GRHL1: variants seen among roughly 807,000 people sequenced by gnomAD.
The protein encoded by GRHL1 is grainyhead-like protein 1 homolog.
Under a neutral mutation model 75.7 loss-of-function variants are expected in GRHL1, and 38 were observed. That is an observed-to-expected ratio of 0.50 (90% CI 0.39 to 0.66). The LOEUF (loss-of-function observed/expected upper bound fraction) is 0.66, where lower values mean the gene tolerates loss of function less well. Among genes scored for constraint, GRHL1 ranks in the 30% least tolerant of loss-of-function variants. The pLI is 0.00. For missense variants in GRHL1, 589 were observed against 767.5 expected (o/e 0.77, Z 2.75); for synonymous variants, 266 against 279.4 (o/e 0.95, Z 0.48).
intron 8 of GRHL1, among the ~76,000 whole-genome samples, chr2:9,976,504 G>A (rs1667953520): frequency 6.6e-6 from 1 of 152,102 alleles, no homozygotes; most frequent in Admixed American, 6.5e-5. Context: ...GGTTCGTTGA[G>A]GCTGTGTAAT....
At chr2:9,972,507 GCCCACAAGACCCTCAATC>G (rs1367046347) in intron 8 of GRHL1, among the ~76,000 whole-genome samples, 1 of 152,080 alleles carries the variant, frequency 6.6e-6, no homozygotes, top group East Asian at 1.9e-4. Flanking sequence ...GAGCTCTTCT[GCCCACAAGACCCTCAATC>G]CTTTAGTAAA....
intron 8 of GRHL1, among the ~76,000 whole-genome samples, chr2:9,973,393 GTGTT>G (rs925093833): frequency 1.2e-4 from 18 of 152,296 alleles, no homozygotes; most frequent in East Asian, 9.7e-4. Flanking sequence ...AAGGTCATCA[GTGTT>G]TGTTTGTTTA....
intron 11 of GRHL1, 89 bp from the exon 12 acceptor site, chr2:9,993,118 T>A: frequency 1.0e-6 from 1 of 980,602 alleles, no homozygotes; most frequent in Non-Finnish European, 1.6e-6. Flanking sequence ...TTGGTGAAAT[T>A]CAAAATTATT....
chr2:9,985,495 A>T (rs1017477614), intron 8 of GRHL1, among the ~76,000 whole-genome samples: 5 of 152,236 alleles, frequency 3.3e-5, no homozygotes, highest in African/African-American at 1.2e-4. Flanking sequence ...AAATAATTGT[A>T]AATTACAAAT....
At position 9,954,897 on chromosome 2, in the gene GRHL1, T is replaced by C; in HGVS notation, c.21-18T>C. On this transcript the variant is annotated intron_variant, in intron 1 of 15. Coordinates refer to ENST00000324907, the MANE Select transcript of GRHL1 (RefSeq NM_198182.3). ...TAGAAAAGTGTGTGTTTTTGTTTTT[T>C]TTTTAATTTCTCTGAAGCAAACGGC... The C allele has an allele frequency of 6.2e-7, 1 of 1,607,598 alleles. No individual in the cohort carries two copies. The highest frequency in any genetic ancestry group is 8.5e-7 in the Non-Finnish European group (1 of 1,174,220).
intron 8 of GRHL1, among the ~76,000 whole-genome samples, chr2:9,980,235 C>T (rs1010087295): frequency 1.3e-5 from 2 of 151,430 alleles, no homozygotes; most frequent in Non-Finnish European, 2.9e-5. Flanking sequence ...CAGGTGTGAA[C>T]AGCGCTTATG....
At position 9,958,827 on chromosome 2, in the gene GRHL1, G is replaced by A. The variant is rs1434209427; in HGVS notation, c.249G>A (p.Val83=). Residue 83 remains valine, a synonymous_variant, in exon 3 of 16, where the codon GTG becomes GTA. Transcript: ENST00000324907. ...GGTCATCAACAGCAAAGCCAGAGGT[G>A]GAGCACCCTGAGCCAGATCACAGCA... The part of the protein sequence containing the change: ...ERRSSTAKPE[V]EHPEPDHSKR... The A allele has an allele frequency of 1.2e-6, 2 of 1,613,640 alleles. No homozygotes were observed. The highest frequency in any genetic ancestry group is 1.7e-5 in the Admixed American group (1 of 60,006).
intron 8 of GRHL1, among the ~76,000 whole-genome samples, chr2:9,984,090 G>C (rs953573253): frequency 6.6e-6 from 1 of 151,984 alleles, no homozygotes; most frequent in African/African-American, 2.4e-5. Flanking sequence ...GGAGGCGGAG[G>C]TTGCAGGGTT....
intron 8 of GRHL1, among the ~76,000 whole-genome samples, chr2:9,979,794 T>G (rs1426861276): frequency 6.6e-6 from 1 of 152,270 alleles, no homozygotes; most frequent in Non-Finnish European, 1.5e-5. Flanking sequence ...CTGATATGTA[T>G]TAAACATTTG....
chr2:9,952,357 A>C (rs1666826544), intron 1 of GRHL1, among the ~76,000 whole-genome samples: 1 of 152,226 alleles, frequency 6.6e-6, no homozygotes, highest in Non-Finnish European at 1.5e-5. Context: ...ACAGAAATGT[A>C]GGGAAAGGTT....
rs1668103791 is a variant in GRHL1 at position 9,979,403 on chromosome 2, T to A, written c.1111-6721T>A. 2.6e-5 allele frequency among the ~76,000 whole-genome samples: 4 copies of A among 151,882 alleles called. No individual in the cohort carries two copies. In the South Asian group the frequency reaches 8.3e-4, roughly 32 times the overall value. On this transcript the variant is annotated intron_variant, in intron 8 of 15. Coordinates refer to ENST00000324907, the MANE Select transcript of GRHL1 (RefSeq NM_198182.3). ...GTGCACACCACCATGCCCAGCTAAT[T>A]TATTTTATTTTCTGTTTTAGAGACA...
At chr2:9,962,644 AC>A in intron 5 of GRHL1, 113 bp downstream of exon 5, 1 of 695,752 alleles carries the variant, frequency 1.4e-6, no homozygotes, top group Non-Finnish European at 2.6e-6. Flanking sequence ...TTATCTTACT[AC>A]TTTTACTGTG....
At chr2:9,963,417 A>G (rs1304215791) in intron 5 of GRHL1, among the ~76,000 whole-genome samples, 1 of 152,238 alleles carries the variant, frequency 6.6e-6, no homozygotes, top group Non-Finnish European at 1.5e-5. Context: ...TTAGGGGCAT[A>G]TATGAGTGGT....
intron 2 of GRHL1, among the ~76,000 whole-genome samples, chr2:9,956,339 C>T (rs913476856): frequency 1.4e-4 from 21 of 152,034 alleles, no homozygotes; most frequent in Admixed American, 5.2e-4. Flanking sequence ...GAGGCCCTGT[C>T]TCTACCAAAA....
chr2:9,990,918 T>C lies in GRHL1; in HGVS notation c.1321+171T>C, dbSNP rs971679687. 9.4e-6 allele frequency: 5 copies of C among 533,286 alleles called. No homozygotes were observed. The highest frequency in any genetic ancestry group is 1.7e-5 in the Non-Finnish European group (5 of 295,880). The allele number at this position is 533,286 out of a possible 1,614,324, so 33.0% of individuals were successfully genotyped here. On this transcript the variant is annotated intron_variant, in intron 10 of 15. Transcript: ENST00000324907. This position sits in a 1 kb window ranked among gnomAD's most constrained non-coding sequence, Gnocchi z 4.2. ...GCCTCTTCCTCAGATCAGCAGCAGATGCCAGCTCAGCGGGAGGGGTTTTCC... is the reference window on the plus strand; with the variant it reads ...GCCTCTTCCTCAGATCAGCAGCAGACGCCAGCTCAGCGGGAGGGGTTTTCC...
chr2:9,965,531 C>T (rs1667458040), intron 8 of GRHL1, 150 bp downstream of exon 8: 1 of 595,882 alleles, frequency 1.7e-6, no homozygotes, highest in African/African-American at 1.9e-5. Flanking sequence ...TTTATTCTCC[C>T]CTCCTCCAAA....
At chr2:9,957,817 A>T (rs1667100142) in intron 2 of GRHL1, among the ~76,000 whole-genome samples, 1 of 152,212 alleles carries the variant, frequency 6.6e-6, no homozygotes, top group Admixed American at 6.5e-5. Context: ...ATGGGGTTAA[A>T]TCTCAGTTGA....
At chr2:9,967,472 TGGA>T (rs993231991) in intron 8 of GRHL1, among the ~76,000 whole-genome samples, 1 of 152,240 alleles carries the variant, frequency 6.6e-6, no homozygotes, top group Non-Finnish European at 1.5e-5. Flanking sequence ...GAAATATTGT[TGGA>T]GGAGTGGCTT....
chr2:9,976,600 A>C (rs139402182), intron 8 of GRHL1, among the ~76,000 whole-genome samples: 1 of 152,296 alleles, frequency 6.6e-6, no homozygotes, highest in Non-Finnish European at 1.5e-5. Flanking sequence ...TTTTAGTCAG[A>C]AGCGTATCCT....
Sources: allele counts gnomAD v4.1 joint callset (sites outside exome capture counted in the v4.1 genomes callset), GRCh38; gene constraint gnomAD v4.1.1; non-coding constraint Gnocchi (gnomAD v3.1); transcripts MANE v1.5; gene names NCBI Gene and HGNC (gene_info 2026-07-23, HGNC 2026-07-21).